CSMD1: variants seen among roughly 807,000 people sequenced by gnomAD.
CSMD1 encodes CUB and sushi domain-containing protein 1.
Under a neutral mutation model 417.5 loss-of-function variants are expected in CSMD1, and 213 were observed. The ratio of observed to expected loss-of-function variants is 0.51; its 90% confidence interval spans 0.46 to 0.57. The LOEUF (loss-of-function observed/expected upper bound fraction) is 0.57, where lower values mean the gene tolerates loss of function less well. CSMD1 is among the 20% of genes least tolerant of loss of function. The pLI is 0.00. For missense variants in CSMD1, 6,923 were observed against 4,529.7 expected, an observed-to-expected ratio of 1.53 and a Z score of -15.17; for synonymous variants, 2,862 against 1,736.8, an observed-to-expected ratio of 1.65 and a Z score of -16.11.
intron 3 of CSMD1, among the ~76,000 whole-genome samples, chr8:4,159,216 C>G (rs982976159): frequency 6.6e-6 from 1 of 151,998 alleles, no homozygotes; most frequent in Non-Finnish European, 1.5e-5. Flanking sequence ...GTGCCCAGCC[C>G]GTAATTCTTT....
chr8:4,481,063 T>C (rs951223495), intron 2 of CSMD1, among the ~76,000 whole-genome samples: 1 of 152,244 alleles, frequency 6.6e-6, no homozygotes, highest in South Asian at 2.1e-4. Context: ...GATATGAATA[T>C]ATCTAAATAT....
chr8:4,447,296 C>G (rs111756819), intron 2 of CSMD1, among the ~76,000 whole-genome samples: 2 of 152,004 alleles, frequency 1.3e-5, no homozygotes, highest in African/African-American at 2.4e-5. Flanking sequence ...TGAGGCAGAC[C>G]GTGATCATTA....
At chr8:4,161,245 C>A (rs991638080) in intron 3 of CSMD1, among the ~76,000 whole-genome samples, 1 of 152,210 alleles carries the variant, frequency 6.6e-6, no homozygotes, top group Non-Finnish European at 1.5e-5. Flanking sequence ...CTCTTACCAT[C>A]TGCATTTACA....
At chr8:4,294,008 T>C (rs552642286) in intron 3 of CSMD1, among the ~76,000 whole-genome samples, 2 of 152,342 alleles carry the variant, frequency 1.3e-5, no homozygotes, top group African/African-American at 4.8e-5. Context: ...TAAAAAGTTT[T>C]AGGATAAGAA....
At chr8:4,091,981 T>A (rs537380033) in intron 3 of CSMD1, among the ~76,000 whole-genome samples, 1 of 152,200 alleles carries the variant, frequency 6.6e-6, no homozygotes, top group Non-Finnish European at 1.5e-5. Context: ...TAAGACATTT[T>A]ATGCGCCTAA....
chr8:3,620,469 T>C (rs1256454710), intron 7 of CSMD1, among the ~76,000 whole-genome samples: 2 of 152,156 alleles, frequency 1.3e-5, no homozygotes, highest in African/African-American at 4.8e-5. Context: ...ATTATGCATT[T>C]ACGCTAATAG....
At chr8:4,869,460 T>C (rs912659698) in intron 1 of CSMD1, among the ~76,000 whole-genome samples, 1 of 152,062 alleles carries the variant, frequency 6.6e-6, no homozygotes, top group Non-Finnish European at 1.5e-5. Flanking sequence ...AAAGCATATA[T>C]CTGCAACCAG....
intron 12 of CSMD1, among the ~76,000 whole-genome samples, chr8:3,422,903 C>T (rs1237294713): frequency 6.6e-6 from 1 of 152,064 alleles, no homozygotes. Flanking sequence ...GGAACACTGT[C>T]CTCACATGGC....
At chr8:4,734,899 C>T (rs1314992645) in intron 1 of CSMD1, among the ~76,000 whole-genome samples, 1 of 152,156 alleles carries the variant, frequency 6.6e-6, no homozygotes, top group Non-Finnish European at 1.5e-5. Flanking sequence ...AGGCTGGCCA[C>T]AGTATTTCCT....
At chr8:3,695,839 T>G (rs977023744) in intron 7 of CSMD1, among the ~76,000 whole-genome samples, 1 of 152,202 alleles carries the variant, frequency 6.6e-6, no homozygotes, top group Non-Finnish European at 1.5e-5. Flanking sequence ...CATTATTTGT[T>G]TCATTTCACA....
At chr8:4,096,149 G>C (rs1800996682) in intron 3 of CSMD1, among the ~76,000 whole-genome samples, 1 of 152,126 alleles carries the variant, frequency 6.6e-6, no homozygotes, top group Non-Finnish European at 1.5e-5. Flanking sequence ...TTCTATAATA[G>C]GTGAGGGCTG....
At chr8:3,757,008 G>C (rs530005330) in intron 5 of CSMD1, among the ~76,000 whole-genome samples, 2 of 152,096 alleles carry the variant, frequency 1.3e-5, no homozygotes, top group Non-Finnish European at 2.9e-5. Context: ...TCACTATGTT[G>C]TCCAGACTGG....
At chr8:3,188,304 CTTTTT>C (rs33913660) in intron 35 of CSMD1, among the ~76,000 whole-genome samples, 1 of 87,622 alleles carries the variant, frequency 1.1e-5, no homozygotes, top group African/African-American at 4.6e-5. Flanking sequence ...CTTTTCCTTT[CTTTTT>C]TTTTTTTTTT....
chr8:4,905,819 C>CAG (rs1554516415), intron 1 of CSMD1, among the ~76,000 whole-genome samples: 8 of 94,336 alleles, frequency 8.5e-5, no homozygotes, highest in Non-Finnish European at 1.5e-4. Context: ...GACTCCATCT[C>CAG]AAAAAAAAAA....
At chr8:4,311,316 G>A (rs899449857) in intron 3 of CSMD1, among the ~76,000 whole-genome samples, 1 of 152,202 alleles carries the variant, frequency 6.6e-6, no homozygotes, top group Non-Finnish European at 1.5e-5. Context: ...ATACTATGCA[G>A]CCATAAAAAG....
rs1195403762 is a variant in CSMD1 at position 4,608,711 on chromosome 8, A to G, written c.302+28631T>C. ...GGATTATGAAAATTATCCTTCAGGC[A>G]TTTCAGAAGTGAAGTCTGTGACGAT... On this transcript the variant is annotated intron_variant, in intron 2 of 69. Transcript: ENST00000635120. Among the ~76,000 whole-genome samples the G allele has an allele frequency of 2.0e-5, 3 of 152,212 alleles. No homozygotes were observed. The East Asian group carries it at 5.8e-4, about 29-fold the overall frequency.
chr8:3,743,591 A>T (rs1796922238), intron 6 of CSMD1, among the ~76,000 whole-genome samples: 1 of 152,154 alleles, frequency 6.6e-6, no homozygotes, highest in South Asian at 2.1e-4. Flanking sequence ...CCGAAGGGAA[A>T]AGTCAAGCTG....
intron 5 of CSMD1, among the ~76,000 whole-genome samples, chr8:3,809,062 G>A (rs1358563257): frequency 2.0e-5 from 3 of 152,142 alleles, no homozygotes; most frequent in East Asian, 1.9e-4. Flanking sequence ...AACAGCCCCT[G>A]GGGAATCACG....
At chr8:4,931,341 T>C (rs1168212441) in intron 1 of CSMD1, among the ~76,000 whole-genome samples, 1 of 152,184 alleles carries the variant, frequency 6.6e-6, no homozygotes, top group Non-Finnish European at 1.5e-5. Flanking sequence ...AAACATCCCA[T>C]CCCTTTGATA....
Sources: allele counts gnomAD v4.1 joint callset (sites outside exome capture counted in the v4.1 genomes callset), GRCh38; gene constraint gnomAD v4.1.1; transcripts MANE v1.5; gene names NCBI Gene and HGNC (gene_info 2026-07-23, HGNC 2026-07-21).